The following SLC12A7 variants were observed in gnomAD, a reference collection of about 807,000 sequenced individuals.
SLC12A7 encodes the protein K-Cl cotransporter 4.
In SLC12A7, 100 loss-of-function variants were observed where a neutral mutation model predicts 120.6. The observed-to-expected ratio is 0.83, with a 90% CI of 0.71 to 0.98. The LOEUF (loss-of-function observed/expected upper bound fraction) is 0.98. Ranked by LOEUF, SLC12A7 falls within the 50% of genes least tolerant of loss-of-function variation. SLC12A7 has a pLI of 0.00. For missense variants in SLC12A7, 1,373 were observed against 1,548.1 expected, an observed-to-expected ratio of 0.89 and a Z score of 1.90; for synonymous variants, 760 against 678.0, an observed-to-expected ratio of 1.12 and a Z score of -1.88.
Position 1,053,452 on chromosome 5 carries a change from C to T in SLC12A7, c.3057G>A (p.Thr1019=), listed in dbSNP as rs747887241. 1.9e-5 allele frequency: 31 copies of T among 1,613,796 alleles called. No individual in the cohort carries two copies. Among genetic ancestry groups the T allele is most frequent in the Non-Finnish European group, 2.4e-5 (28 of 1,179,998 alleles). Residue 1019 remains threonine, a synonymous_variant, in exon 23 of 24, where the codon ACG becomes ACA. Coordinates refer to ENST00000264930, the MANE Select transcript of SLC12A7 (RefSeq NM_006598.3). ...GGACGACGCCATTGAGCTTCACAGC[C>T]GTGTGCATCCGCCTGACGTTGGACT... ...PDQSNVRRMH[T]AVKLNGVVLN... is the part of the protein sequence containing the mutation.
intron 3 of SLC12A7, among the ~76,000 whole-genome samples, chr5:1,092,433 G>A (rs1034964461): frequency 6.6e-6 from 1 of 152,194 alleles, no homozygotes; most frequent in African/African-American, 2.4e-5. Flanking sequence ...GGGGCGCCTG[G>A]CTCAGCACCT....
chr5:1,065,217 AG>A, intron 18 of SLC12A7, 65 bp downstream of exon 18: 1 of 1,184,560 alleles, frequency 8.4e-7, no homozygotes, highest in Non-Finnish European at 1.2e-6. Context: ...GGGGACAGCG[AG>A]GGGACACTGA....
intron 3 of SLC12A7, among the ~76,000 whole-genome samples, chr5:1,091,699 G>A (rs921192286): frequency 3.9e-5 from 6 of 152,036 alleles, no homozygotes; most frequent in African/African-American, 1.4e-4. Context: ...TGCTGAGCCC[G>A]GCACACCACC....
At chr5:1,085,100 C>T (rs923740250) in intron 7 of SLC12A7, 132 bp downstream of exon 7, 71 of 1,313,876 alleles carry the variant, frequency 5.4e-5, no homozygotes, top group Admixed American at 3.1e-4. Flanking sequence ...CGGGGGTTCC[C>T]GCCACGGTCA....
chr5:1,074,746 T>TGG, intron 15 of SLC12A7, 75 bp from the exon 16 acceptor site: 3 of 1,390,048 alleles, frequency 2.2e-6, no homozygotes, highest in Non-Finnish European at 3.0e-6. Flanking sequence ...AGGGGACTTC[T>TGG]GGGGGCAGGT....
chr5:1,135,051 C>T, the SLC12A7 span, among the ~76,000 whole-genome samples: 3 of 151,940 alleles, frequency 2.0e-5, no homozygotes, highest in Non-Finnish European at 2.9e-5. Context: ...CGCTTGAACC[C>T]GGGAGGCAGA....
At chr5:1,099,930 C>T (rs1489488993) in intron 1 of SLC12A7, among the ~76,000 whole-genome samples, 2 of 152,198 alleles carry the variant, frequency 1.3e-5, no homozygotes, top group African/African-American at 2.4e-5. Context: ...CTGGCCCGCC[C>T]CACTTCGCAA....
At chr5:1,056,555 C>T (rs568366199) in intron 22 of SLC12A7, 121 of 984,066 alleles carry the variant, frequency 1.2e-4, no homozygotes, top group East Asian at 6.8e-4. Flanking sequence ...GCCCGGAAGG[C>T]GACCTGGTTG....
the SLC12A7 span, among the ~76,000 whole-genome samples, chr5:1,132,170 T>A: frequency 6.6e-6 from 1 of 152,164 alleles, no homozygotes; most frequent in Non-Finnish European, 1.5e-5. Flanking sequence ...CACTGCTCAT[T>A]ACACGCTAAT....
chr5:1,052,911 TCTC>T (rs1218608801), intron 23 of SLC12A7, among the ~76,000 whole-genome samples: 2 of 152,170 alleles, frequency 1.3e-5, no homozygotes, highest in East Asian at 3.8e-4. Flanking sequence ...ACTGCGGAGT[TCTC>T]CTTCCAAAGC....
At chr5:1,060,893 G>A (rs1455570569) in intron 20 of SLC12A7, among the ~76,000 whole-genome samples, 1 of 137,942 alleles carries the variant, frequency 7.2e-6, no homozygotes, top group Non-Finnish European at 1.5e-5. Flanking sequence ...CGCCCGCCAT[G>A]CAGGACCCTG....
chr5:1,054,955 C>T (rs935734310), intron 22 of SLC12A7, among the ~76,000 whole-genome samples: 2 of 152,290 alleles, frequency 1.3e-5, no homozygotes, highest in East Asian at 1.9e-4. Context: ...CAAAGAGCAG[C>T]TCCAGGAAGT....
Position 1,051,056 on chromosome 5 carries a change from A to C in SLC12A7, c.*1304T>G, listed in dbSNP as rs1403656498. Reference sequence around the variant, plus strand: ...AACTCCCTGGGGTGTTTAAATAAATAAATATGCCACATAGAAAGGGAGGCC... The same window carrying C: ...AACTCCCTGGGGTGTTTAAATAAATCAATATGCCACATAGAAAGGGAGGCC... On this transcript the variant is annotated 3_prime_UTR_variant, in exon 24 of 24. Transcript: ENST00000264930. 1 of 397,792 alleles carries C rather than the reference A, an allele frequency of 2.5e-6. No homozygotes were observed. The highest frequency in any genetic ancestry group is 4.4e-6 in the Non-Finnish European group (1 of 225,878). The allele number at this position is 397,792 out of a possible 1,614,324, so 24.6% of individuals were successfully genotyped here. A position where few individuals can be genotyped will look rare whatever the true frequency, so the allele number is the denominator to read the frequency against.
rs551297212 is a variant in SLC12A7, at chr5:1,082,559, G to A, written c.1130-815C>T. ...CTGGAAAGTCCGGGCTTCCTGTCTC[G>A]GGTTCTGGAAAGTCCGGGCTTCCTC... On this transcript the variant is annotated intron_variant, in intron 8 of 23. Transcript: ENST00000264930. 2.0e-4 allele frequency among the ~76,000 whole-genome samples: 27 copies of A among 137,426 alleles called. No homozygotes were observed. In the East Asian group the frequency reaches 2.2e-3, roughly 11 times the overall value. 90.2% of individuals were successfully genotyped at this position (137,426 alleles called of 152,430 possible). A position where few individuals can be genotyped will look rare whatever the true frequency, so the allele number is the denominator to read the frequency against.
At chr5:1,093,498 C>CGGGGACTGGGG (rs746354076) in intron 3 of SLC12A7, 35 bp downstream of exon 3, 1 of 1,290,126 alleles carries the variant, frequency 7.8e-7, no homozygotes. Flanking sequence ...ACACACGGGG[C>CGGGGACTGGGG]GGGGACTGGG....
chr5:1,081,893 G>A (rs915822263), intron 8 of SLC12A7, 149 bp from the exon 9 acceptor site: 14 of 905,020 alleles, frequency 1.5e-5, no homozygotes, highest in Middle Eastern at 3.5e-4. Flanking sequence ...ATTCAAACAC[G>A]CTTTCGAGAT....
At chr5:1,077,605 G>A (rs375522899) in intron 12 of SLC12A7, among the ~76,000 whole-genome samples, 19 of 152,298 alleles carry the variant, frequency 1.2e-4, no homozygotes, top group African/African-American at 3.4e-4. Context: ...TGACACACCC[G>A]GGGCCGAGCT....
chr5:1,120,341 C>T, the SLC12A7 span, among the ~76,000 whole-genome samples: 2,885 of 152,330 alleles, frequency 0.019, 214 homozygotes, highest in East Asian at 0.18. Context: ...CACACGAAGA[C>T]GGCTTACAGA....
intron 3 of SLC12A7, among the ~76,000 whole-genome samples, chr5:1,090,400 G>T (rs1561087443): frequency 6.6e-6 from 1 of 152,210 alleles, no homozygotes; most frequent in Non-Finnish European, 1.5e-5. Context: ...AAGCAACAGG[G>T]GAGCGACTTG....
Sources: gnomAD v4.1 joint callset for allele counts (sites outside exome capture counted in the v4.1 genomes callset) on GRCh38, gnomAD v4.1.1 for gene constraint, MANE v1.5 for transcripts, NCBI Gene and HGNC (gene_info 2026-07-23, HGNC 2026-07-21) for gene names.